The following PCBP3 variants were observed in gnomAD, a reference collection of about 807,000 sequenced individuals.
The protein encoded by PCBP3 is poly(rC)-binding protein 3.
In PCBP3, 25 loss-of-function variants were observed where a neutral mutation model predicts 52.7. The ratio of observed to expected loss-of-function variants is 0.47; its 90% CI spans 0.35 to 0.66. The LOEUF (loss-of-function observed/expected upper bound fraction) is 0.66. Among genes scored for constraint, PCBP3 ranks in the 30% least tolerant of loss-of-function variants. The probability of loss-of-function intolerance (pLI) is 0.01; values close to 1 mark genes in which losing one functional copy is unlikely to be tolerated. For synonymous variants in PCBP3, 162 were observed against 183.0 expected (o/e 0.89, Z 0.93); for missense variants, 391 against 490.3 (o/e 0.80, Z 1.91).
chr21:45,672,328 T>G (rs1005804234), intron 2 of PCBP3, among the ~76,000 whole-genome samples: 4 of 152,018 alleles, frequency 2.6e-5, no homozygotes, highest in African/African-American at 9.7e-5. Context: ...AATTACTGAG[T>G]TTTTGGTATT....
intron 5 of PCBP3, among the ~76,000 whole-genome samples, chr21:45,864,627 C>CGCT (rs1414035099): frequency 6.6e-6 from 1 of 152,148 alleles, no homozygotes; most frequent in East Asian, 1.9e-4. Flanking sequence ...TGTCGACCAT[C>CGCT]GCTGCCATGT....
chr21:45,721,864 C>A lies in PCBP3; in HGVS notation c.-199-13528C>A, dbSNP rs1025608469. ...GAAGGCTGATAAGATAGAATTTTGG[C>A]AAGAAATCACAGAAACTGGAGTCAC... On this transcript the variant is annotated intron_variant, in intron 2 of 17. Coordinates refer to ENST00000681687, the MANE Select transcript of PCBP3 (RefSeq NM_001384156.1). Among the ~76,000 whole-genome samples the A allele has an allele frequency of 2.0e-5, 3 of 151,910 alleles. No individual in the cohort carries two copies. The South Asian group carries it at 6.2e-4, about 32-fold the overall frequency.
At chr21:45,797,134 C>A (rs2091960025) in intron 4 of PCBP3, among the ~76,000 whole-genome samples, 1 of 152,098 alleles carries the variant, frequency 6.6e-6, no homozygotes, top group East Asian at 1.9e-4. Context: ...GGTGTATGGG[C>A]CTACAGAGAT....
intron 4 of PCBP3, among the ~76,000 whole-genome samples, chr21:45,818,677 T>C (rs1474652275): frequency 6.6e-6 from 1 of 152,236 alleles, no homozygotes; most frequent in African/African-American, 2.4e-5. Flanking sequence ...CTCAAAGGAT[T>C]TGAAAACTTC....
At chr21:45,658,250 C>T (rs1016198102) in intron 1 of PCBP3, among the ~76,000 whole-genome samples, 1 of 152,162 alleles carries the variant, frequency 6.6e-6, no homozygotes, top group African/African-American at 2.4e-5. Flanking sequence ...ATAAATCCCA[C>T]TTGTCATGGC....
At chr21:45,907,859 G>T (rs963416254) in intron 9 of PCBP3, among the ~76,000 whole-genome samples, 1 of 151,652 alleles carries the variant, frequency 6.6e-6, no homozygotes, top group African/African-American at 2.4e-5. Flanking sequence ...GGACGGGGCG[G>T]GGGGAGTGCT....
intron 5 of PCBP3, among the ~76,000 whole-genome samples, chr21:45,879,697 C>T (rs2095354466): frequency 7.8e-6 from 1 of 128,862 alleles, no homozygotes; most frequent in Non-Finnish European, 1.8e-5. Context: ...AAAATCAAAA[C>T]ACACACCTCT....
rs2093010464 is a variant in PCBP3 at position 45,817,758 on chromosome 21, CATAAGTCCT to C, written c.-125-32202_-125-32194del. On this transcript the variant is annotated intron_variant, in intron 4 of 17. Coordinates refer to ENST00000681687, the MANE Select transcript of PCBP3 (RefSeq NM_001384156.1). This position sits in a 1 kb window ranked among gnomAD's most constrained non-coding sequence, Gnocchi z 4.3. ...ATTCTTAAGGTTTTTACTGTGGGAT[CATAAGTCCT>C]TACTCCTTCATGGTTGGAATCAAAA... 6.6e-6 allele frequency among the ~76,000 whole-genome samples: 1 copy of C among 152,226 alleles called. No individual in the cohort carries two copies. Among genetic ancestry groups the C allele is most frequent in the Non-Finnish European group, 1.5e-5 (1 of 68,036 alleles).
chr21:45,701,900 AC>A (rs1451415613), intron 2 of PCBP3, among the ~76,000 whole-genome samples: 5 of 152,212 alleles, frequency 3.3e-5, no homozygotes, highest in South Asian at 2.1e-4. Flanking sequence ...ATTTTATAAA[AC>A]AAAAATAAAT....
At chr21:45,868,085 G>A (rs1447785091) in intron 5 of PCBP3, among the ~76,000 whole-genome samples, 1 of 152,288 alleles carries the variant, frequency 6.6e-6, no homozygotes, top group Admixed American at 6.5e-5. Flanking sequence ...CATACGGCAA[G>A]TGCCGAGTGG....
chr21:45,937,258 G>A (rs772970765), intron 16 of PCBP3, among the ~76,000 whole-genome samples: 10 of 152,196 alleles, frequency 6.6e-5, no homozygotes, highest in African/African-American at 1.2e-4. Flanking sequence ...TCCCCAGCAC[G>A]GCCACTGGGG....
chr21:45,760,293 C>T (rs2088502114), intron 4 of PCBP3: 1 of 152,230 alleles, frequency 6.6e-6, no homozygotes. Flanking sequence ...TCTCCTGCCT[C>T]AGCCTCCTGA....
intron 2 of PCBP3, among the ~76,000 whole-genome samples, chr21:45,726,265 G>A (rs1337613271): frequency 2.0e-5 from 3 of 152,084 alleles, no homozygotes; most frequent in Admixed American, 2.0e-4. Flanking sequence ...GTAGGCAGTG[G>A]ATATGGGAGT....
At chr21:45,884,122 G>C (rs1175801373) in intron 5 of PCBP3, among the ~76,000 whole-genome samples, 1 of 152,114 alleles carries the variant, frequency 6.6e-6, no homozygotes, top group Non-Finnish European at 1.5e-5. Flanking sequence ...ATTTTGTAGA[G>C]ACTAGGTATT....
chr21:45,886,801 G>A (rs1358203895), intron 5 of PCBP3, among the ~76,000 whole-genome samples: 1 of 152,176 alleles, frequency 6.6e-6, no homozygotes, highest in Non-Finnish European at 1.5e-5. Flanking sequence ...AGGGGGCAAG[G>A]ACTCACCACC....
intron 5 of PCBP3, among the ~76,000 whole-genome samples, chr21:45,878,781 G>A (rs1032208311): frequency 4.6e-5 from 7 of 152,294 alleles, no homozygotes; most frequent in African/African-American, 1.2e-4. Flanking sequence ...ACAACTCGAC[G>A]TCCGTACTCA....
chr21:45,777,912 T>A lies in PCBP3; in HGVS notation c.-126+22460T>A, dbSNP rs2090365631. ...ATTCTTTATTTGGGATTTCAAAAATTTCTTTTTGATTAAGATCTATTATTG... is the reference window on the plus strand; with the variant it reads ...ATTCTTTATTTGGGATTTCAAAAATATCTTTTTGATTAAGATCTATTATTG... On this transcript the variant is annotated intron_variant, in intron 4 of 17. Coordinates refer to ENST00000681687, the MANE Select transcript of PCBP3 (RefSeq NM_001384156.1). 3.3e-5 allele frequency among the ~76,000 whole-genome samples: 5 copies of A among 151,980 alleles called. No individual in the cohort carries two copies. In the South Asian group the frequency reaches 8.3e-4, roughly 25 times the overall value.
At chr21:45,768,869 G>C (rs896785108) in intron 4 of PCBP3, among the ~76,000 whole-genome samples, 1 of 152,170 alleles carries the variant, frequency 6.6e-6, no homozygotes, top group Non-Finnish European at 1.5e-5. Flanking sequence ...TCGTCCCCTC[G>C]TCTCCACGAC....
intron 2 of PCBP3, among the ~76,000 whole-genome samples, chr21:45,699,994 C>G (rs1033864965): frequency 2.6e-5 from 4 of 152,218 alleles, no homozygotes; most frequent in Admixed American, 2.0e-4. Context: ...AGTCTTAACT[C>G]ATTTCACCAT....
Sources: gnomAD v4.1 joint callset for allele counts (sites outside exome capture counted in the v4.1 genomes callset) on GRCh38, gnomAD v4.1.1 for gene constraint, Gnocchi (gnomAD v3.1) non-coding constraint, MANE v1.5 for transcripts, NCBI Gene and HGNC (gene_info 2026-07-23, HGNC 2026-07-21) for gene names.